MDGA2: variants seen among roughly 807,000 people sequenced by gnomAD.
MDGA2 encodes the protein MAM domain containing glycosylphosphatidylinositol anchor 2, also known as MAM domain-containing glycosylphosphatidylinositol anchor protein 2.
Under a neutral mutation model 117.8 loss-of-function variants are expected in MDGA2, and 40 were observed. That is an observed-to-expected ratio of 0.34 (90% confidence interval 0.26 to 0.44). The LOEUF (loss-of-function observed/expected upper bound fraction) is 0.44. Ranked by LOEUF, MDGA2 falls within the 20% of genes least tolerant of loss-of-function variation. The pLI is 1.00. For missense variants in MDGA2, 1,123 were observed against 1,250.6 expected (o/e 0.90, Z 1.54); for synonymous variants, 452 against 439.0 (o/e 1.03, Z -0.37).
At chr14:47,424,963 G>A (rs1047926620) in intron 1 of MDGA2, among the ~76,000 whole-genome samples, 1 of 152,170 alleles carries the variant, frequency 6.6e-6, no homozygotes, top group African/African-American at 2.4e-5. Context: ...GAAGTGTGGA[G>A]AGAAAGGTGG....
At chr14:46,969,735 G>A (rs926806193) in intron 8 of MDGA2, among the ~76,000 whole-genome samples, 1 of 151,632 alleles carries the variant, frequency 6.6e-6, no homozygotes, top group Non-Finnish European at 1.5e-5. Flanking sequence ...ATTGAACAAG[G>A]AGAACACTTG....
chr14:47,102,544 TGAA>T (rs1366356295), intron 5 of MDGA2, among the ~76,000 whole-genome samples: 1 of 151,880 alleles, frequency 6.6e-6, no homozygotes, highest in African/African-American at 2.4e-5. Flanking sequence ...GGAAACATAT[TGAA>T]GAAGCAGAAA....
At position 47,569,921 on chromosome 14, in the gene MDGA2, T is replaced by C. The variant is rs376882704; in HGVS notation, c.280+104596A>G. 1.3e-5 allele frequency among the ~76,000 whole-genome samples: 2 copies of C among 152,208 alleles called. 1 individual carries two copies. Among genetic ancestry groups the C allele is most frequent in the African/African-American group, 4.8e-5 (2 of 41,460 alleles). On this transcript the variant is annotated intron_variant, in intron 1 of 16. Transcript: ENST00000399232. Reference sequence around the variant, plus strand: ...CTGTAAATCTGCTTTTAAAGATCTATGGTTACATTCATAGAGCAAAAACTT... The same window carrying C: ...CTGTAAATCTGCTTTTAAAGATCTACGGTTACATTCATAGAGCAAAAACTT...
At position 46,918,760 on chromosome 14, in the gene MDGA2, C is replaced by CTTTTTTTTTTTTTTTTTT. The variant is rs34958634; in HGVS notation, c.2238+1251_2238+1252insAAAAAAAAAAAAAAAAAA. Among the ~76,000 whole-genome samples, 107 of 124,730 alleles carry CTTTTTTTTTTTTTTTTTT rather than the reference C, an allele frequency of 8.6e-4. 3 individuals are homozygous for CTTTTTTTTTTTTTTTTTT. Among genetic ancestry groups the CTTTTTTTTTTTTTTTTTT allele is most frequent in the Non-Finnish European group, 9.6e-4 (59 of 61,714 alleles). The allele number at this position is 124,730 out of a possible 152,430, so 81.8% of individuals were successfully genotyped here. ...TAAGAATATGCTACATACAGTGTAT[C>CTTTTTTTTTTTTTTTTTT]TTTTTTTTTTTTTTTTTGGAATCGG... On this transcript the variant is annotated intron_variant, in intron 10 of 16. Transcript: ENST00000399232.
chr14:46,876,729 T>C (rs1409242363), intron 12 of MDGA2, among the ~76,000 whole-genome samples: 1 of 151,500 alleles, frequency 6.6e-6, no homozygotes, highest in Non-Finnish European at 1.5e-5. Flanking sequence ...GGAACAAGAA[T>C]CCTGATACCC....
chr14:47,205,609 A>G (rs1028202682), intron 3 of MDGA2, among the ~76,000 whole-genome samples: 2 of 152,020 alleles, frequency 1.3e-5, no homozygotes, highest in African/African-American at 4.8e-5. Context: ...AAGTTCATAA[A>G]TAATCTAAAA....
chr14:47,471,970 T>C (rs1893737430), intron 1 of MDGA2, among the ~76,000 whole-genome samples: 1 of 152,142 alleles, frequency 6.6e-6, no homozygotes, highest in African/African-American at 2.4e-5. Flanking sequence ...TAAAATGCTT[T>C]TCATTCAAGG....
chr14:47,200,811 C>A (rs1448620626), intron 3 of MDGA2: 4 of 800,984 alleles, frequency 5.0e-6, no homozygotes, highest in Admixed American at 1.8e-5. Flanking sequence ...AAACGCACGA[C>A]CTTCAGGGCA....
intron 1 of MDGA2, among the ~76,000 whole-genome samples, chr14:47,440,272 A>T (rs1892979881): frequency 6.6e-6 from 1 of 152,076 alleles, no homozygotes; most frequent in African/African-American, 2.4e-5. Flanking sequence ...GAGGACGTAT[A>T]AATATCTGGC....
intron 10 of MDGA2, among the ~76,000 whole-genome samples, chr14:46,899,531 C>A (rs1883204120): frequency 6.6e-6 from 1 of 151,596 alleles, no homozygotes; most frequent in African/African-American, 2.4e-5. Flanking sequence ...AGAATATGTG[C>A]TCACCAAAAG....
At chr14:47,009,330 C>T (rs910341424) in intron 8 of MDGA2, among the ~76,000 whole-genome samples, 9 of 152,016 alleles carry the variant, frequency 5.9e-5, no homozygotes, top group Middle Eastern at 3.2e-3. Flanking sequence ...GCTATAGTTT[C>T]TCCTAAGATA....
At chr14:46,934,923 T>A (rs1455436448) in intron 9 of MDGA2, among the ~76,000 whole-genome samples, 1 of 152,098 alleles carries the variant, frequency 6.6e-6, no homozygotes, top group Non-Finnish European at 1.5e-5. Context: ...TTGTCACAGT[T>A]AAGGCTCTGG....
chr14:47,131,289 T>C (rs957729759), intron 5 of MDGA2, among the ~76,000 whole-genome samples: 3 of 152,030 alleles, frequency 2.0e-5, no homozygotes, highest in Non-Finnish European at 4.4e-5. Flanking sequence ...AAAACATCTA[T>C]CTGAAATTAC....
chr14:46,986,192 C>G (rs2138408366), intron 8 of MDGA2, among the ~76,000 whole-genome samples: 1 of 152,164 alleles, frequency 6.6e-6, no homozygotes, highest in South Asian at 2.1e-4. Flanking sequence ...CACAACATAA[C>G]AGATGGCACA....
intron 14 of MDGA2, among the ~76,000 whole-genome samples, chr14:46,862,553 A>C (rs1407723255): frequency 6.6e-6 from 1 of 151,460 alleles, no homozygotes; most frequent in Non-Finnish European, 1.5e-5. Context: ...AAATAATTTA[A>C]GTATATGTCC....
intron 3 of MDGA2, among the ~76,000 whole-genome samples, chr14:47,154,926 T>C (rs537014915): frequency 8.5e-5 from 13 of 152,272 alleles, no homozygotes; most frequent in African/African-American, 2.9e-4. Flanking sequence ...GAACTTATGG[T>C]GCTTTTTCCA....
intron 1 of MDGA2, among the ~76,000 whole-genome samples, chr14:47,616,853 C>G (rs1345384996): frequency 6.6e-6 from 1 of 152,078 alleles, no homozygotes; most frequent in Non-Finnish European, 1.5e-5. Flanking sequence ...TAGGTAGTCA[C>G]TAATCATATG....
chr14:46,954,166 T>G (rs892715096), intron 9 of MDGA2, among the ~76,000 whole-genome samples: 1 of 152,026 alleles, frequency 6.6e-6, no homozygotes, highest in Non-Finnish European at 1.5e-5. Flanking sequence ...AGTTGTAAGC[T>G]TATTCCAGTT....
intron 8 of MDGA2, among the ~76,000 whole-genome samples, chr14:47,021,155 G>T (rs1427240098): frequency 6.6e-6 from 1 of 151,840 alleles, no homozygotes; most frequent in East Asian, 1.9e-4. Flanking sequence ...GTAAAAGTTT[G>T]GCTACATCAA....
Sources: gnomAD v4.1 joint callset for allele counts (sites outside exome capture counted in the v4.1 genomes callset) on GRCh38, gnomAD v4.1.1 for gene constraint, MANE v1.5 for transcripts, NCBI Gene and HGNC (gene_info 2026-07-23, HGNC 2026-07-21) for gene names.